Variants in POU6F2 observed in about 807,000 individuals in gnomAD.
POU6F2 encodes POU class 6 homeobox 2.
In POU6F2, 31 loss-of-function variants were observed where a neutral mutation model predicts 71.3. The observed-to-expected ratio is 0.43, with a 90% CI of 0.33 to 0.59. The LOEUF is 0.59. Ranked by LOEUF, POU6F2 falls within the 20% of genes least tolerant of loss-of-function variation. The pLI is 0.04. For missense variants in POU6F2, 783 were observed against 856.8 expected (o/e 0.91, Z 1.07); for synonymous variants, 347 against 355.7 (o/e 0.98, Z 0.27).
intron 2 of POU6F2, among the ~76,000 whole-genome samples, chr7:39,177,720 T>G (rs1202206805): frequency 6.6e-6 from 1 of 152,118 alleles, no homozygotes; most frequent in Non-Finnish European, 1.5e-5. Context: ...AAATTCCCAG[T>G]TTTTCTAAGA....
At chr7:39,399,973 A>T (rs760110969) in intron 5 of POU6F2, among the ~76,000 whole-genome samples, 21 of 152,184 alleles carry the variant, frequency 1.4e-4, no homozygotes, top group Admixed American at 3.9e-4. Flanking sequence ...CAGCCCATGG[A>T]TACATTCACC....
chr7:39,452,900 CTGACCAATA>C (rs942198865), intron 8 of POU6F2, among the ~76,000 whole-genome samples: 11 of 152,084 alleles, frequency 7.2e-5, no homozygotes, highest in African/African-American at 2.4e-4. Flanking sequence ...CGACACCAGC[CTGACCAATA>C]TGATGAAAGC....
At chr7:39,123,234 C>T (rs919777353) in intron 2 of POU6F2, among the ~76,000 whole-genome samples, 3 of 152,194 alleles carry the variant, frequency 2.0e-5, no homozygotes, top group African/African-American at 4.8e-5. Flanking sequence ...TGTTTCATTG[C>T]ACTGTATGTA....
At chr7:39,371,038 T>C (rs1021483434) in intron 5 of POU6F2, among the ~76,000 whole-genome samples, 2 of 152,216 alleles carry the variant, frequency 1.3e-5, no homozygotes, top group Non-Finnish European at 2.9e-5. Flanking sequence ...TATATGAATT[T>C]CCAGAAAGAT....
chr7:39,447,395 G>A lies in POU6F2; in HGVS notation c.1321-4138G>A, dbSNP rs118041907. Among the ~76,000 whole-genome samples, 133 of 152,214 alleles carry A rather than the reference G, an allele frequency of 8.7e-4. 3 individuals are homozygous for A. In the East Asian group the frequency reaches 0.021, roughly 24 times the overall value. ...CTGTAACTGCTCATCTCCGATGATC[G>A]TGGAGTTGAGAGGCAGCGGGGCATA... is the stretch of plus-strand genomic sequence containing the variant. On this transcript the variant is annotated intron_variant, in intron 7 of 9. Transcript: ENST00000518318.
At chr7:39,397,642 G>A (rs556112324) in intron 5 of POU6F2, among the ~76,000 whole-genome samples, 36 of 148,746 alleles carry the variant, frequency 2.4e-4, no homozygotes, top group Non-Finnish European at 1.8e-4. Context: ...ACAGGCACAC[G>A]CCACCACACC....
At chr7:39,088,672 A>G (rs1791304861) in intron 2 of POU6F2, among the ~76,000 whole-genome samples, 1 of 152,234 alleles carries the variant, frequency 6.6e-6, no homozygotes, top group Non-Finnish European at 1.5e-5. Flanking sequence ...TGGCCAGATT[A>G]TGACAAATCA....
At chr7:39,135,911 TAAGC>T (rs899813313) in intron 2 of POU6F2, among the ~76,000 whole-genome samples, 10 of 152,202 alleles carry the variant, frequency 6.6e-5, no homozygotes, top group African/African-American at 2.4e-4. Flanking sequence ...TTTGAATTAA[TAAGC>T]AAGTTCATCA....
chr7:39,068,725 T>C (rs1381997937), intron 1 of POU6F2, among the ~76,000 whole-genome samples: 1 of 152,210 alleles, frequency 6.6e-6, no homozygotes, highest in Non-Finnish European at 1.5e-5. Context: ...AGTTTTCTTC[T>C]ATTTAGAAGT....
At chr7:39,211,302 G>T (rs976203437) in intron 4 of POU6F2, among the ~76,000 whole-genome samples, 19 of 152,166 alleles carry the variant, frequency 1.2e-4, no homozygotes, top group South Asian at 2.1e-4. Flanking sequence ...CATGAAGGCA[G>T]TGAATGTCCT....
chr7:39,387,119 G>A (rs532567101), intron 5 of POU6F2, among the ~76,000 whole-genome samples: 3 of 152,164 alleles, frequency 2.0e-5, no homozygotes, highest in African/African-American at 4.8e-5. Context: ...GACCCAACCC[G>A]CTCATCCCCA....
At chr7:39,220,505 A>G (rs1442254789) in intron 4 of POU6F2, among the ~76,000 whole-genome samples, 1 of 152,074 alleles carries the variant, frequency 6.6e-6, no homozygotes, top group Non-Finnish European at 1.5e-5. Flanking sequence ...GCAACCGAAA[A>G]CCCGAGCACC....
chr7:39,184,236 A>G (rs1584588084), intron 2 of POU6F2, among the ~76,000 whole-genome samples: 1 of 152,294 alleles, frequency 6.6e-6, no homozygotes, highest in South Asian at 2.1e-4. Flanking sequence ...CTTTTTCTCT[A>G]TTTTGGTTAT....
intron 2 of POU6F2, chr7:39,132,580 G>C (rs1393743785): frequency 6.6e-6 from 1 of 152,242 alleles, no homozygotes; most frequent in Non-Finnish European, 1.5e-5. Flanking sequence ...GCTCCTTTCA[G>C]ACTCAACTGT....
rs142346450 is a variant in POU6F2, at chr7:39,100,410, A to G, written c.277+14379A>G. 4.6e-3 allele frequency among the ~76,000 whole-genome samples: 700 copies of G among 152,320 alleles called. 9 individuals are homozygous for G. The highest frequency in any genetic ancestry group is 0.016 in the African/African-American group (666 of 41,560). ...AGATCCGTAAAACCTAGTTCCTCTTATATACACCAAAGTCATCAGGATCAG... is the reference window on the plus strand; with the variant it reads ...AGATCCGTAAAACCTAGTTCCTCTTGTATACACCAAAGTCATCAGGATCAG... On this transcript the variant is annotated intron_variant, in intron 2 of 9. Coordinates refer to ENST00000518318, the MANE Select transcript of POU6F2 (RefSeq NM_001370959.1).
intron 4 of POU6F2, among the ~76,000 whole-genome samples, chr7:39,264,001 A>G (rs1293533467): frequency 6.6e-6 from 1 of 152,120 alleles, no homozygotes; most frequent in African/African-American, 2.4e-5. Flanking sequence ...CAACTTGCTA[A>G]TTTTCTGCTC....
intron 2 of POU6F2, among the ~76,000 whole-genome samples, chr7:39,107,998 G>A (rs749771564): frequency 1.3e-5 from 2 of 152,210 alleles, no homozygotes; most frequent in African/African-American, 2.4e-5. Flanking sequence ...ACAGAGCAAC[G>A]TGGAAAGGGT....
chr7:39,197,268 G>A (rs1793807307), intron 2 of POU6F2, among the ~76,000 whole-genome samples: 1 of 152,116 alleles, frequency 6.6e-6, no homozygotes, highest in South Asian at 2.1e-4. Context: ...CATATGCTCA[G>A]CATGCAACTC....
chr7:38,992,637 G>T (rs986326726), intron 1 of POU6F2, among the ~76,000 whole-genome samples: 1 of 152,170 alleles, frequency 6.6e-6, no homozygotes, highest in African/African-American at 2.4e-5. Context: ...AAAGGAGCAT[G>T]ACTGAAAAAC....
Sources: allele counts gnomAD v4.1 joint callset (sites outside exome capture counted in the v4.1 genomes callset), GRCh38; gene constraint gnomAD v4.1.1; transcripts MANE v1.5; gene names NCBI Gene and HGNC (gene_info 2026-07-23, HGNC 2026-07-21).